Variants in SRRD observed in about 807,000 individuals in gnomAD.
The protein encoded by SRRD is SRR1 domain containing.
In SRRD, 28 loss-of-function variants were observed where a neutral mutation model predicts 30.7. That is an observed-to-expected ratio of 0.91 (90% CI 0.68 to 1.25). The LOEUF (loss-of-function observed/expected upper bound fraction) is 1.25. SRRD is among the 50% of genes most tolerant of loss of function. The pLI is 0.00. For missense variants in SRRD, 415 were observed against 417.3 expected (o/e 0.99, Z 0.05); for synonymous variants, 161 against 159.6 (o/e 1.01, Z -0.07).
Position 26,492,277 on chromosome 22 carries a change from C to CT in SRRD, c.*606dup. 6.2e-7 allele frequency: 1 copy of CT among 1,614,246 alleles called. No homozygotes were observed. The highest frequency in any genetic ancestry group is 8.5e-7 in the Non-Finnish European group (1 of 1,180,052). On this transcript the variant is annotated 3_prime_UTR_variant, in exon 7 of 7. Transcript: ENST00000215917. ...GAGCCATGTTCTCAGCCTCCCGCCT[C>CT]TCCTGCATGGCCTCGTACTGGAAGT...
Position 26,494,094 on chromosome 22 carries a change from CTG to C in SRRD, c.*2423_*2424del. The C allele has an allele frequency of 3.7e-6, 6 of 1,604,688 alleles. No individual in the cohort carries two copies. Among genetic ancestry groups the C allele is most frequent in the Non-Finnish European group, 5.1e-6 (6 of 1,174,188 alleles). On this transcript the variant is annotated 3_prime_UTR_variant, in exon 7 of 7. Coordinates refer to ENST00000215917, the MANE Select transcript of SRRD (RefSeq NM_001013694.3). ...TCTGTGTCATTTACATGTGTAAAAT[CTG>C]AAACTTGGGGCCAGGACATCCAAAA...
intron 5 of SRRD, among the ~76,000 whole-genome samples, 193 bp downstream of exon 5, chr22:26,490,391 G>A (rs116616908): frequency 7.8e-4 from 119 of 152,056 alleles, no homozygotes; most frequent in African/African-American, 2.7e-3. Context: ...GAGTCTTTTT[G>A]CCACGAATTC....
At chr22:26,486,305 T>C (rs1007935795) in intron 2 of SRRD, among the ~76,000 whole-genome samples, 33 of 152,228 alleles carry the variant, frequency 2.2e-4, no homozygotes, top group Admixed American at 4.6e-4. Context: ...TTGCCTGCTG[T>C]ATACAAGGCA....
chr22:26,494,029 C>A lies in SRRD; in HGVS notation c.*2357C>A. On this transcript the variant is annotated 3_prime_UTR_variant, in exon 7 of 7. Coordinates refer to ENST00000215917, the MANE Select transcript of SRRD (RefSeq NM_001013694.3). The stretch of plus-strand genomic sequence containing the variant: ...CTGTTGCTATGTGCAAAAGTGTGAC[C>A]TAAGGTTTAGGCTGCCTACAGGAAC... The A allele has an allele frequency of 1.5e-6, 2 of 1,299,686 alleles. No homozygotes were observed. The highest frequency in any genetic ancestry group is 1.5e-5 in the African/African-American group (1 of 68,014). The allele number at this position is 1,299,686 out of a possible 1,614,324, so 80.5% of individuals were successfully genotyped here. A position where few individuals can be genotyped will look rare whatever the true frequency, so the allele number is the denominator to read the frequency against.
rs1569146443 is a variant in SRRD at position 26,484,015 on chromosome 22, GGGGGAGAGAGGCGGCGCCC to G, written c.126_144del (p.Arg44AlafsTer34). 3 of 1,326,008 alleles carry G rather than the reference GGGGGAGAGAGGCGGCGCCC, an allele frequency of 2.3e-6. No homozygotes were observed. Among genetic ancestry groups the G allele is most frequent in the Non-Finnish European group, 2.9e-6 (3 of 1,033,296 alleles). The allele number at this position is 1,326,008 out of a possible 1,614,324, so 82.1% of individuals were successfully genotyped here. A position where few individuals can be genotyped will look rare whatever the true frequency, so the allele number is the denominator to read the frequency against. ...CCCCGGGGGAGAGAGGCGGCGCCCC[GGGGGAGAGAGGCGGCGCCC>G]CGGGGCCCCGAGGCGGAGTTCGAGT... On this transcript the variant is annotated frameshift_variant, in exon 1 of 7. Transcript: ENST00000215917. LOFTEE classifies it high-confidence loss of function.
chr22:26,494,601 G>A lies in SRRD; in HGVS notation c.*2929G>A. 1.2e-6 allele frequency: 1 copy of A among 825,782 alleles called. No individual in the cohort carries two copies. Among genetic ancestry groups the A allele is most frequent in the Admixed American group, 2.8e-5 (1 of 35,124 alleles). 51.2% of individuals were successfully genotyped at this position (825,782 alleles called of 1,614,324 possible). ...GAGGAGCTGAGATAAAGCAAATAAAGTGCTTGGAACAGCTTCTGATACATG... is the reference window on the plus strand; with the variant it reads ...GAGGAGCTGAGATAAAGCAAATAAAATGCTTGGAACAGCTTCTGATACATG... On this transcript the variant is annotated 3_prime_UTR_variant, in exon 7 of 7. Coordinates refer to ENST00000215917, the MANE Select transcript of SRRD (RefSeq NM_001013694.3).
intron 1 of SRRD, 142 bp from the exon 2 acceptor site, chr22:26,485,881 C>A: frequency 1.1e-6 from 1 of 887,284 alleles, no homozygotes; most frequent in Non-Finnish European, 1.8e-6. Context: ...AACATATATC[C>A]CCCTCCTATC....
chr22:26,486,126 A>T, intron 2 of SRRD, 63 bp downstream of exon 2: 1 of 1,609,522 alleles, frequency 6.2e-7, no homozygotes. Flanking sequence ...TCCTCATTTG[A>T]GGACATTTTG....
chr22:26,490,142 A>G lies in SRRD; in HGVS notation c.708A>G (p.Val236=), dbSNP rs1433809480. ...ATCTTTTATGGAGTAACTGGTCAGT[A>G]GATGCCCTTTCTAAGATGGTCATCA... ...YNNLLWSNWS[V]DALSKMVIIG... is the part of the protein sequence containing the mutation. The change falls in exon 5 of 7, where the codon GTA becomes GTG. Residue 236 remains valine (V), a synonymous_variant. Coordinates refer to ENST00000215917, the MANE Select transcript of SRRD (RefSeq NM_001013694.3). The G allele has an allele frequency of 1.2e-6, 2 of 1,614,186 alleles. No individual in the cohort carries two copies. Among genetic ancestry groups the G allele is most frequent in the South Asian group, 2.2e-5 (2 of 91,078 alleles).
intron 5 of SRRD, 119 bp downstream of exon 5, chr22:26,490,317 G>T: frequency 8.4e-7 from 1 of 1,195,146 alleles, no homozygotes; most frequent in South Asian, 1.5e-5. Context: ...CTTTTCCACA[G>T]GGAACTGGAT....
rs3177310 is a variant in SRRD at position 26,492,125 on chromosome 22, A to G, written c.*453A>G. 3 of 1,614,070 alleles carry G rather than the reference A, an allele frequency of 1.9e-6. No homozygotes were observed. In the African/African-American group the frequency reaches 4.0e-5, roughly 22 times the overall value. The stretch of plus-strand genomic sequence containing the variant: ...GATCACAATGCGGCCAAAGGTGTAG[A>G]GCTGCTTCCCTTCGTGTCGCTTCCC... On this transcript the variant is annotated 3_prime_UTR_variant, in exon 7 of 7. Transcript: ENST00000215917.
rs1188583600 is a variant in SRRD, at chr22:26,492,360, T to A, written c.*688T>A. 7 of 1,613,966 alleles carry A rather than the reference T, an allele frequency of 4.3e-6. No homozygotes were observed. The highest frequency in any genetic ancestry group is 5.9e-6 in the Non-Finnish European group (7 of 1,179,956). On this transcript the variant is annotated 3_prime_UTR_variant, in exon 7 of 7. Transcript: ENST00000215917. ...ATGTTCTCCCGTGCTCCTGGCTGCA[T>A]GTAGGCACCTAAGATACAGGAGGAC...
chr22:26,485,943 C>A, intron 1 of SRRD, 80 bp from the exon 2 acceptor site: 1 of 1,545,968 alleles, frequency 6.5e-7, no homozygotes, highest in South Asian at 1.1e-5. Flanking sequence ...TGTAAGCATT[C>A]AGGTCATGAT....
At position 26,493,886 on chromosome 22, in the gene SRRD, ACAT is replaced by A. The variant is rs1921567561; in HGVS notation, c.*2219_*2221del. The stretch of plus-strand genomic sequence containing the variant: ...GAGGGCGGGGCCTGGGGTTAGACTG[ACAT>A]CATCTGAATCCAGCTTAAGTCAGTC... On this transcript the variant is annotated 3_prime_UTR_variant, in exon 7 of 7. Transcript: ENST00000215917. 2.1e-6 allele frequency: 1 copy of A among 467,830 alleles called. No individual in the cohort carries two copies. Among genetic ancestry groups the A allele is most frequent in the Non-Finnish European group, 3.9e-6 (1 of 255,462 alleles). 29.0% of individuals were successfully genotyped at this position (467,830 alleles called of 1,614,324 possible).
At chr22:26,490,559 C>CTTTTTTTTTTTTTTCTTTTTTT (rs1921031494) in intron 5 of SRRD, among the ~76,000 whole-genome samples, 1 of 51,834 alleles carries the variant, frequency 1.9e-5, no homozygotes, top group Non-Finnish European at 3.4e-5. Flanking sequence ...GGAATATTTG[C>CTTTTTTTTTTTTTTCTTTTTTT]TTTTTTTTTT....
chr22:26,484,141 G>A (rs1480309615), intron 1 of SRRD, 42 bp downstream of exon 1: 2 of 1,516,038 alleles, frequency 1.3e-6, no homozygotes, highest in East Asian at 2.6e-5. Context: ...TGCGCCCATG[G>A]GCAATTCTGA....
rs1921422184 is a variant in SRRD at position 26,493,056 on chromosome 22, C to T, written c.*1384C>T. Reference sequence around the variant, plus strand: ...TTTTTTTTTTTTTGAGACCGAGTCTCGCTCTTGTCACCTAGGCTGGAGTGC... The same window carrying T: ...TTTTTTTTTTTTTGAGACCGAGTCTTGCTCTTGTCACCTAGGCTGGAGTGC... On this transcript the variant is annotated 3_prime_UTR_variant, in exon 7 of 7. Transcript: ENST00000215917. 6.6e-6 allele frequency: 1 copy of T among 151,084 alleles called. No individual in the cohort carries two copies. Among genetic ancestry groups the T allele is most frequent in the Admixed American group, 6.6e-5 (1 of 15,194 alleles). The allele number at this position is 151,084 out of a possible 1,614,324, so 9.4% of individuals were successfully genotyped here.
intron 1 of SRRD, 149 bp downstream of exon 1, chr22:26,484,248 T>C: frequency 1.2e-6 from 1 of 863,370 alleles, no homozygotes; most frequent in Admixed American, 2.7e-5. Flanking sequence ...ATTAAAGATG[T>C]GGATTATAGT....
intron 6 of SRRD, 52 bp downstream of exon 6, chr22:26,491,122 G>T (rs1486617434): frequency 1.9e-6 from 3 of 1,567,912 alleles, no homozygotes; most frequent in Admixed American, 3.7e-5. Context: ...AAACTGTGAA[G>T]AATTCTATCT....
Sources: allele counts gnomAD v4.1 joint callset (sites outside exome capture counted in the v4.1 genomes callset), GRCh38; gene constraint gnomAD v4.1.1; transcripts MANE v1.5; gene names NCBI Gene and HGNC (gene_info 2026-07-23, HGNC 2026-07-21).